Variants in EIF3F observed in about 807,000 individuals in gnomAD.
EIF3F encodes the protein eukaryotic translation initiation factor 3 subunit F.
In EIF3F, 8 loss-of-function variants were observed where a neutral mutation model predicts 36.0. The ratio of observed to expected loss-of-function variants is 0.22; its 90% CI spans 0.13 to 0.40. The LOEUF is 0.40. Among genes scored for constraint, EIF3F ranks in the 10% least tolerant of loss-of-function variants. The pLI is 1.00. For missense variants in EIF3F, 430 were observed against 467.6 expected, an observed-to-expected ratio of 0.92 and a Z score of 0.74; for synonymous variants, 184 against 188.5, an observed-to-expected ratio of 0.98 and a Z score of 0.19.
intron 1 of EIF3F, among the ~76,000 whole-genome samples, chr11:7,990,864 G>GGAAT (rs1230634511): frequency 2.1e-5 from 2 of 93,926 alleles, no homozygotes; most frequent in Admixed American, 1.4e-4. Context: ...AAATGTAGTG[G>GGAAT]GAATAAATAA....
In EIF3F at chr11:7,994,962, C is replaced by A; in HGVS notation, c.746-20C>A. The A allele has an allele frequency of 6.2e-7, 1 of 1,610,644 alleles. No individual in the cohort carries two copies. The highest frequency in any genetic ancestry group is 8.5e-7 in the Non-Finnish European group (1 of 1,178,418). The stretch of plus-strand genomic sequence containing the variant: ...ACTGCCCACCACTGCCGCTGCCACC[C>A]TGCCAACCAACTTCCATAGTTGACC... On this transcript the variant is annotated intron_variant, in intron 5 of 7. Coordinates refer to ENST00000651655, the MANE Select transcript of EIF3F (RefSeq NM_003754.3).
At position 8,000,097 on chromosome 11, in the gene EIF3F, G is replaced by A. The variant is rs1357976171; in HGVS notation, c.*4075G>A. The A allele has an allele frequency of 1.3e-5, 2 of 151,858 alleles. No homozygotes were observed. Among genetic ancestry groups the A allele is most frequent in the Admixed American group, 6.6e-5 (1 of 15,242 alleles). 9.4% of individuals were successfully genotyped at this position (151,858 alleles called of 1,614,324 possible). ...AGGGCGCCTGTAATCCCACCTACTC[G>A]GGCTGAAGTGAGAATGGCTTGAACC... On this transcript the variant is annotated 3_prime_UTR_variant, in exon 8 of 8. Coordinates refer to ENST00000651655, the MANE Select transcript of EIF3F (RefSeq NM_003754.3).
Position 7,999,404 on chromosome 11 carries a change from ACT to A in EIF3F, c.*3384_*3385del, listed in dbSNP as rs1455912862. On this transcript the variant is annotated 3_prime_UTR_variant, in exon 8 of 8. Coordinates refer to ENST00000651655, the MANE Select transcript of EIF3F (RefSeq NM_003754.3). Reference sequence around the variant, plus strand: ...GCATATCATGTTCTTGAATAAGAAGACTCAACATTATTTTAACAGGTGTTAAT... The same window carrying A: ...GCATATCATGTTCTTGAATAAGAAGACAACATTATTTTAACAGGTGTTAAT... The A allele has an allele frequency of 1.3e-5, 2 of 152,228 alleles. No homozygotes were observed. Among genetic ancestry groups the A allele is most frequent in the Admixed American group, 1.3e-4 (2 of 15,286 alleles). 9.4% of individuals were successfully genotyped at this position (152,228 alleles called of 1,614,324 possible). A position where few individuals can be genotyped will look rare whatever the true frequency, so the allele number is the denominator to read the frequency against.
rs930827640 is a variant in EIF3F, at chr11:7,997,109, A to T, written c.*1087A>T. On this transcript the variant is annotated 3_prime_UTR_variant, in exon 8 of 8. Transcript: ENST00000651655. ...CCCCAGCCTGGAACTCAGTTCTGAG[A>T]TATGTACCTCAGGAAATATAAGTTA... 6.6e-6 allele frequency: 1 copy of T among 152,230 alleles called. No homozygotes were observed. Among genetic ancestry groups the T allele is most frequent in the Non-Finnish European group, 1.5e-5 (1 of 68,052 alleles). 9.4% of individuals were successfully genotyped at this position (152,230 alleles called of 1,614,324 possible).
chr11:7,987,636 A>G lies in EIF3F; in HGVS notation c.284A>G (p.His95Arg). The change falls in exon 1 of 8, where the codon CAC becomes CGC. Residue 95 changes from histidine to arginine, a missense_variant. By Grantham distance (29) the His-to-Arg change is conservative. Transcript: ENST00000651655. ...CCCGGCGGCCGCGTGGTCAGGCTGC[A>G]CCCAGTCATTTTGGCCTCCATTGTG... ...PFPGGRVVRL[H>R]PVILASIVDS... 6.4e-7 allele frequency: 1 copy of G among 1,570,162 alleles called. No individual in the cohort carries two copies. Among genetic ancestry groups the G allele is most frequent in the Middle Eastern group, 2.1e-4 (1 of 4,874 alleles).
rs561215845 is a variant in EIF3F, at chr11:8,001,341, G to A, written c.*5319G>A. On this transcript the variant is annotated 3_prime_UTR_variant, in exon 8 of 8. Transcript: ENST00000651655. ...TTGTGTTTGTCAAAATTACAAATAT[G>A]CATGCCCTTAACCCAGGAATTCCAC... The A allele has an allele frequency of 6.6e-6, 1 of 152,232 alleles. No individual in the cohort carries two copies. The highest frequency in any genetic ancestry group is 6.5e-5 in the Admixed American group (1 of 15,294). 9.4% of individuals were successfully genotyped at this position (152,232 alleles called of 1,614,324 possible).
rs138819967 is a variant in EIF3F at position 7,997,461 on chromosome 11, A to G, written c.*1439A>G. 1 of 152,346 alleles carries G rather than the reference A, an allele frequency of 6.6e-6. No individual in the cohort carries two copies. Among genetic ancestry groups the G allele is most frequent in the East Asian group, 1.9e-4 (1 of 5,190 alleles). The allele number at this position is 152,346 out of a possible 1,614,324, so 9.4% of individuals were successfully genotyped here. On this transcript the variant is annotated 3_prime_UTR_variant, in exon 8 of 8. Coordinates refer to ENST00000651655, the MANE Select transcript of EIF3F (RefSeq NM_003754.3). ...AGAAACAAAATTTTAAATTTGAGAA[A>G]TAAGCATAGAAAAGGTGGATAAAAC...
chr11:7,995,331 C>G lies in EIF3F; in HGVS notation c.960C>G (p.Pro320=). Residue 320 remains proline, a synonymous_variant, in exon 7 of 8, where the codon CCC becomes CCG. Coordinates refer to ENST00000651655, the MANE Select transcript of EIF3F (RefSeq NM_003754.3). The part of the protein sequence containing the change: ...SLVNQVPKIV[P]DDFETMLNSN... Reference sequence around the variant, plus strand: ...TTAACCAAGTACCGAAAATAGTTCCCGATGACTTTGAGACCATGCTCAACA... The same window carrying G: ...TTAACCAAGTACCGAAAATAGTTCCGGATGACTTTGAGACCATGCTCAACA... 6.2e-7 allele frequency: 1 copy of G among 1,614,122 alleles called. No homozygotes were observed. Among genetic ancestry groups the G allele is most frequent in the Non-Finnish European group, 8.5e-7 (1 of 1,180,000 alleles).
Position 8,001,489 on chromosome 11 carries a change from T to C in EIF3F, c.*5467T>C, listed in dbSNP as rs1942220587. ...GATGGTAATCAACCCAAATGACTAT[T>C]ACCAGAATAGAAATTAAACAAAGTA... On this transcript the variant is annotated 3_prime_UTR_variant, in exon 8 of 8. Transcript: ENST00000651655. The C allele has an allele frequency of 6.6e-6, 1 of 152,180 alleles. No homozygotes were observed. Among genetic ancestry groups the C allele is most frequent in the Non-Finnish European group, 1.5e-5 (1 of 68,022 alleles). 9.4% of individuals were successfully genotyped at this position (152,180 alleles called of 1,614,324 possible).
In EIF3F at chr11:7,987,604, G is replaced by C. The variant is rs775231750; in HGVS notation, c.252G>C (p.Gly84=). ...APALPGPALP[G]PFPGGRVVRL... Reference sequence around the variant, plus strand: ...CTCTGCCTGGTCCTGCTCTTCCAGGGCCCTTCCCCGGCGGCCGCGTGGTCA... The same window carrying C: ...CTCTGCCTGGTCCTGCTCTTCCAGGCCCCTTCCCCGGCGGCCGCGTGGTCA... Residue 84 remains glycine, a synonymous_variant, in exon 1 of 8, where the codon GGG becomes GGC. Transcript: ENST00000651655. The C allele has an allele frequency of 6.3e-7, 1 of 1,588,100 alleles. No homozygotes were observed. The highest frequency in any genetic ancestry group is 1.1e-5 in the South Asian group (1 of 88,494).
At position 8,001,446 on chromosome 11, in the gene EIF3F, T is replaced by C. The variant is rs2133679346; in HGVS notation, c.*5424T>C. 6.6e-6 allele frequency: 1 copy of C among 152,340 alleles called. No individual in the cohort carries two copies. Among genetic ancestry groups the C allele is most frequent in the East Asian group, 1.9e-4 (1 of 5,190 alleles). 9.4% of individuals were successfully genotyped at this position (152,340 alleles called of 1,614,324 possible). On this transcript the variant is annotated 3_prime_UTR_variant, in exon 8 of 8. Transcript: ENST00000651655. ...ATACATAGATAAGTACTGAAATACT[T>C]GGTTATCATAGCGTAAAGATGGTAA...
chr11:7,990,942 C>G (rs1387206744), intron 1 of EIF3F, among the ~76,000 whole-genome samples: 1 of 151,844 alleles, frequency 6.6e-6, no homozygotes, highest in Non-Finnish European at 1.5e-5. Context: ...CACTTGTAAT[C>G]CCAGCACTTT....
At position 7,996,830 on chromosome 11, in the gene EIF3F, A is replaced by G. The variant is rs1278536486; in HGVS notation, c.*808A>G. 1.3e-5 allele frequency: 2 copies of G among 152,234 alleles called. No individual in the cohort carries two copies. The highest frequency in any genetic ancestry group is 4.8e-5 in the African/African-American group (2 of 41,452). 9.4% of individuals were successfully genotyped at this position (152,234 alleles called of 1,614,324 possible). A position where few individuals can be genotyped will look rare whatever the true frequency, so the allele number is the denominator to read the frequency against. ...TGGAGTGAAAAGGTGAGTGAAGGCA[A>G]TGGGGAATCAAAAAGGCCTGGATCC... On this transcript the variant is annotated 3_prime_UTR_variant, in exon 8 of 8. Transcript: ENST00000651655.
At position 8,000,311 on chromosome 11, in the gene EIF3F, A is replaced by G. The variant is rs940959712; in HGVS notation, c.*4289A>G. 2.0e-5 allele frequency: 3 copies of G among 152,304 alleles called. No homozygotes were observed. The highest frequency in any genetic ancestry group is 7.2e-5 in the African/African-American group (3 of 41,582). The allele number at this position is 152,304 out of a possible 1,614,324, so 9.4% of individuals were successfully genotyped here. A position where few individuals can be genotyped will look rare whatever the true frequency, so the allele number is the denominator to read the frequency against. On this transcript the variant is annotated 3_prime_UTR_variant, in exon 8 of 8. Coordinates refer to ENST00000651655, the MANE Select transcript of EIF3F (RefSeq NM_003754.3). ...GGATGGACCTGGAGGACACTATGCT[A>G]GTGAAATAAGCCATGATCTCACTTG...
Position 7,996,231 on chromosome 11 carries a change from G to A in EIF3F, c.*209G>A. ...GGAGGAAAATGTTTTAGATCACACA[G>A]AAACTAGGAAGTGAATATTGTAGGT... On this transcript the variant is annotated 3_prime_UTR_variant, in exon 8 of 8. Coordinates refer to ENST00000651655, the MANE Select transcript of EIF3F (RefSeq NM_003754.3). The A allele has an allele frequency of 1.9e-6, 1 of 523,864 alleles. No homozygotes were observed. The highest frequency in any genetic ancestry group is 3.4e-6 in the Non-Finnish European group (1 of 293,302). The allele number at this position is 523,864 out of a possible 1,614,324, so 32.5% of individuals were successfully genotyped here.
intron 3 of EIF3F, 69 bp from the exon 4 acceptor site, chr11:7,992,818 A>C: frequency 6.2e-7 from 1 of 1,607,220 alleles, no homozygotes; most frequent in South Asian, 1.1e-5. Context: ...GAAGACACCC[A>C]TGCCACTGTT....
rs1007177250 is a variant in EIF3F at position 7,994,797 on chromosome 11, C to G, written c.746-185C>G. On this transcript the variant is annotated intron_variant, in intron 5 of 7. Coordinates refer to ENST00000651655, the MANE Select transcript of EIF3F (RefSeq NM_003754.3). Reference sequence around the variant, plus strand: ...CATACCAGGTAAAAGGAGTTGAGCTCTATTAGGAGGAAGAAAAGCTGATAA... The same window carrying G: ...CATACCAGGTAAAAGGAGTTGAGCTGTATTAGGAGGAAGAAAAGCTGATAA... The G allele has an allele frequency of 4.6e-6, 4 of 870,546 alleles. No homozygotes were observed. The Admixed American group carries it at 1.1e-4, about 25-fold the overall frequency. 53.9% of individuals were successfully genotyped at this position (870,546 alleles called of 1,614,324 possible).
At chr11:7,992,807 T>C (rs1460778205) in intron 3 of EIF3F, 80 bp from the exon 4 acceptor site, 10 of 1,598,490 alleles carry the variant, frequency 6.3e-6, no homozygotes, top group African/African-American at 1.3e-5. Flanking sequence ...TCCGGTACCC[T>C]GAAGACACCC....
At chr11:7,995,676 C>G (rs1460879191) in intron 7 of EIF3F, 2 of 583,040 alleles carry the variant, frequency 3.4e-6, no homozygotes, top group South Asian at 2.1e-5. Flanking sequence ...ACTTATTTCC[C>G]CCATCTGAGT....
Sources: allele counts gnomAD v4.1 joint callset (sites outside exome capture counted in the v4.1 genomes callset), GRCh38; gene constraint gnomAD v4.1.1; transcripts MANE v1.5; gene names NCBI Gene and HGNC (gene_info 2026-07-23, HGNC 2026-07-21).